The following SLC5A12 variants were observed in gnomAD, a reference collection of about 807,000 sequenced individuals.
The protein encoded by SLC5A12 is solute carrier family 5 member 12, also known as sodium-coupled monocarboxylate transporter 2.
In SLC5A12, 46 loss-of-function variants were observed where a neutral mutation model predicts 72.7. The ratio of observed to expected loss-of-function variants is 0.63; its 90% CI spans 0.50 to 0.81. The LOEUF (loss-of-function observed/expected upper bound fraction) is 0.81. Among genes scored for constraint, SLC5A12 ranks in the 30% least tolerant of loss-of-function variants. SLC5A12 has a pLI of 0.00. For synonymous variants in SLC5A12, 275 were observed against 264.4 expected (o/e 1.04, Z -0.39); for missense variants, 683 against 740.7 (o/e 0.92, Z 0.90).
intron 3 of SLC5A12, among the ~76,000 whole-genome samples, chr11:26,709,817 A>G (rs914274750): frequency 1.3e-5 from 2 of 152,080 alleles, no homozygotes; most frequent in Non-Finnish European, 2.9e-5. Context: ...TATTCAAACA[A>G]CCCACTTCTC....
At chr11:26,685,516 G>A (rs1288778727) in intron 10 of SLC5A12, among the ~76,000 whole-genome samples, 1 of 151,946 alleles carries the variant, frequency 6.6e-6, no homozygotes, top group Non-Finnish European at 1.5e-5. Context: ...GCTGAGGCAG[G>A]AGAATTGCTT....
chr11:26,672,822 TAG>T (rs1456990930), intron 14 of SLC5A12, among the ~76,000 whole-genome samples: 1 of 152,140 alleles, frequency 6.6e-6, no homozygotes, highest in African/African-American at 2.4e-5. Flanking sequence ...GCTAGGGAGT[TAG>T]AGAGTTAGGT....
At chr11:26,716,570 G>A (rs1053400326) in intron 1 of SLC5A12, among the ~76,000 whole-genome samples, 6 of 152,128 alleles carry the variant, frequency 3.9e-5, no homozygotes, top group African/African-American at 1.4e-4. Flanking sequence ...ACATTATGAT[G>A]GATTATTTTC....
chr11:26,688,427 G>C (rs935891018), intron 9 of SLC5A12, among the ~76,000 whole-genome samples: 6 of 152,178 alleles, frequency 3.9e-5, no homozygotes. Context: ...CTAACTCAGA[G>C]AGTGAGCAGA....
At chr11:26,685,823 T>C (rs1361306353) in intron 10 of SLC5A12, among the ~76,000 whole-genome samples, 3 of 152,124 alleles carry the variant, frequency 2.0e-5, no homozygotes, top group African/African-American at 4.8e-5. Context: ...TTTTTTCCCG[T>C]AATCACCTGC....
chr11:26,687,704 A>C (rs1306938439), intron 9 of SLC5A12, among the ~76,000 whole-genome samples: 1 of 152,214 alleles, frequency 6.6e-6, no homozygotes, highest in East Asian at 1.9e-4. Flanking sequence ...CCACTCTTAA[A>C]ATGAAATCAG....
intron 4 of SLC5A12, among the ~76,000 whole-genome samples, chr11:26,706,442 T>C (rs1186819460): frequency 6.6e-6 from 1 of 152,012 alleles, no homozygotes; most frequent in Admixed American, 6.6e-5. Context: ...AGTTAGAAGG[T>C]AGTTTATTTT....
intron 9 of SLC5A12, among the ~76,000 whole-genome samples, chr11:26,691,139 A>G (rs1854660691): frequency 6.6e-6 from 1 of 152,230 alleles, no homozygotes; most frequent in South Asian, 2.1e-4. Context: ...TACAGAAAGC[A>G]AAAATAATTT....
rs530985943 is a variant in SLC5A12, at chr11:26,691,159, A to G, written c.1153+1330T>C. On this transcript the variant is annotated intron_variant, in intron 9 of 14. Coordinates refer to ENST00000396005, the MANE Select transcript of SLC5A12 (RefSeq NM_178498.4). Reference sequence around the variant, plus strand: ...AAAGCAAAAATAATTTTTTACAAAAATATACAAATCATTACTATCTGAAAA... The same window carrying G: ...AAAGCAAAAATAATTTTTTACAAAAGTATACAAATCATTACTATCTGAAAA... 7.7e-4 allele frequency among the ~76,000 whole-genome samples: 117 copies of G among 152,270 alleles called. 2 individuals carry two copies. The South Asian group carries it at 0.024, about 31-fold the overall frequency.
chr11:26,667,111 T>C lies in SLC5A12; in HGVS notation c.*3991A>G, dbSNP rs1025638613. 6.6e-6 allele frequency: 1 copy of C among 151,910 alleles called. No homozygotes were observed. Among genetic ancestry groups the C allele is most frequent in the African/African-American group, 2.4e-5 (1 of 41,418 alleles). 9.4% of individuals were successfully genotyped at this position (151,910 alleles called of 1,614,324 possible). A position where few individuals can be genotyped will look rare whatever the true frequency, so the allele number is the denominator to read the frequency against. ...GATGACATCAATTAAATTTTAGTTA[T>C]TTGAAAATAGGTTATACTACAAGAT... On this transcript the variant is annotated 3_prime_UTR_variant, in exon 15 of 15. Coordinates refer to ENST00000396005, the MANE Select transcript of SLC5A12 (RefSeq NM_178498.4).
At chr11:26,699,467 C>G (rs148486917) in intron 6 of SLC5A12, among the ~76,000 whole-genome samples, 1 of 152,170 alleles carries the variant, frequency 6.6e-6, no homozygotes, top group Non-Finnish European at 1.5e-5. Flanking sequence ...AAGGCAAATA[C>G]GCCAGATAAT....
intron 3 of SLC5A12, 32 bp downstream of exon 3, chr11:26,711,275 T>TA: frequency 1.3e-6 from 2 of 1,592,726 alleles, no homozygotes; most frequent in Non-Finnish European, 1.7e-6. Flanking sequence ...ATAAAAATGG[T>TA]AAAATATGCC....
chr11:26,722,308 T>G (rs1402227217), upstream of SLC5A12, among the ~76,000 whole-genome samples: 1 of 152,170 alleles, frequency 6.6e-6, no homozygotes. Flanking sequence ...GACTAGGAAT[T>G]CAGAGACCTT....
chr11:26,699,592 C>T (rs1854910051), intron 6 of SLC5A12, among the ~76,000 whole-genome samples: 1 of 152,038 alleles, frequency 6.6e-6, no homozygotes. Context: ...GTTTGTTTTT[C>T]TTGGTGGGCT....
rs1176295957 is a variant in SLC5A12, at chr11:26,668,021, A to G, written c.*3081T>C. 1 of 152,046 alleles carries G rather than the reference A, an allele frequency of 6.6e-6. No homozygotes were observed. The highest frequency in any genetic ancestry group is 2.4e-5 in the African/African-American group (1 of 41,444). 9.4% of individuals were successfully genotyped at this position (152,046 alleles called of 1,614,324 possible). On this transcript the variant is annotated 3_prime_UTR_variant, in exon 15 of 15. Coordinates refer to ENST00000396005, the MANE Select transcript of SLC5A12 (RefSeq NM_178498.4). ...AGCACTTTATATGATTTACTTATAT[A>G]AATCTTCATAATAATTCTATTAAGT...
intron 10 of SLC5A12, among the ~76,000 whole-genome samples, chr11:26,685,771 T>C (rs2133155153): frequency 6.6e-6 from 1 of 152,250 alleles, no homozygotes; most frequent in South Asian, 2.1e-4. Flanking sequence ...ATAAACCTAG[T>C]TTTTCCACTA....
At chr11:26,685,607 C>G (rs1335395474) in intron 10 of SLC5A12, among the ~76,000 whole-genome samples, 1 of 122,088 alleles carries the variant, frequency 8.2e-6, no homozygotes, top group East Asian at 2.2e-4. Context: ...GACTCTGTCT[C>G]AAAAAAACAA....
rs1565185633 is a variant in SLC5A12 at position 26,680,328 on chromosome 11, C to CATATATATGTATATATATTCAT, written c.1475+726_1475+727insATGAATATATATACATATATAT. Among the ~76,000 whole-genome samples the CATATATATGTATATATATTCAT allele has an allele frequency of 1.7e-3, 130 of 75,018 alleles. 1 individual carries two copies. Among genetic ancestry groups the CATATATATGTATATATATTCAT allele is most frequent in the Non-Finnish European group, 2.2e-3 (84 of 38,902 alleles). 49.2% of individuals were successfully genotyped at this position (75,018 alleles called of 152,430 possible). ...TCATATATATATATGTATATATATT[C>CATATATATGTATATATATTCAT]ATATATATATGTATATATATTCATA... On this transcript the variant is annotated intron_variant, in intron 12 of 14. Coordinates refer to ENST00000396005, the MANE Select transcript of SLC5A12 (RefSeq NM_178498.4).
intron 13 of SLC5A12, among the ~76,000 whole-genome samples, chr11:26,677,308 T>G (rs974082940): frequency 6.6e-6 from 1 of 152,198 alleles, no homozygotes; most frequent in Non-Finnish European, 1.5e-5. Context: ...TGAAAATGTG[T>G]AAGAATTTTC....
Sources: gnomAD v4.1 joint callset for allele counts (sites outside exome capture counted in the v4.1 genomes callset) on GRCh38, gnomAD v4.1.1 for gene constraint, MANE v1.5 for transcripts, NCBI Gene and HGNC (gene_info 2026-07-23, HGNC 2026-07-21) for gene names.